RYR2: variants seen among roughly 807,000 people sequenced by gnomAD.
RYR2 encodes the protein ryanodine receptor 2, also known as cardiac muscle ryanodine receptor-calcium release channel.
A neutral mutation model predicts 601.1 loss-of-function variants in RYR2; 227 were observed. That is an observed-to-expected ratio of 0.38 (90% CI 0.34 to 0.42). RYR2 has a LOEUF of 0.42. RYR2 is among the 10% of genes least tolerant of loss of function. The pLI is 1.00. For synonymous variants in RYR2, 2,223 were observed against 2,175.1 expected (o/e 1.02, Z -0.61); for missense variants, 4,646 against 6,156.5 (o/e 0.75, Z 8.21).
chr1:237,194,406 T>C (rs1464948297), intron 1 of RYR2, among the ~76,000 whole-genome samples: 1 of 152,168 alleles, frequency 6.6e-6, no homozygotes, highest in African/African-American at 2.4e-5. Flanking sequence ...AAGGAGCTCA[T>C]AGTGCAGCCT....
At position 237,106,266 on chromosome 1, in the gene RYR2, C is replaced by T. The variant is rs1288650524; in HGVS notation, c.48+63697C>T. Among the ~76,000 whole-genome samples, 2 of 152,192 alleles carry T rather than the reference C, an allele frequency of 1.3e-5. No individual in the cohort carries two copies. The highest frequency in any genetic ancestry group is 2.9e-5 in the Non-Finnish European group (2 of 68,028). ...GGTAAACAGGGGTGGGCAGGGAGAA[C>T]AGCTCCCCTGCACCAGCTCCCGCTG... On this transcript the variant is annotated intron_variant, in intron 1 of 104. Coordinates refer to ENST00000366574, the MANE Select transcript of RYR2 (RefSeq NM_001035.3). This position sits in a 1 kb window ranked among gnomAD's most constrained non-coding sequence, Gnocchi z 4.4.
At chr1:237,356,404 T>A (rs1699296899) in intron 4 of RYR2, among the ~76,000 whole-genome samples, 1 of 151,290 alleles carries the variant, frequency 6.6e-6, no homozygotes, top group Admixed American at 6.6e-5. Flanking sequence ...GACAATTATA[T>A]ATATAGTCAT....
At chr1:237,404,902 G>T (rs1703717452) in intron 10 of RYR2, among the ~76,000 whole-genome samples, 1 of 152,184 alleles carries the variant, frequency 6.6e-6, no homozygotes, top group African/African-American at 2.4e-5. Flanking sequence ...AGAGCGCAAT[G>T]AAATAAGGCC....
chr1:237,820,974 T>C (rs1662427236), intron 101 of RYR2, among the ~76,000 whole-genome samples: 1 of 152,168 alleles, frequency 6.6e-6, no homozygotes, highest in African/African-American at 2.4e-5. Flanking sequence ...CCTCTCTAGA[T>C]TCCTCCTCTC....
At chr1:237,766,692 G>T (rs973299869) in intron 84 of RYR2, among the ~76,000 whole-genome samples, 5 of 152,152 alleles carry the variant, frequency 3.3e-5, no homozygotes, top group Admixed American at 3.3e-4. Context: ...TTAGGCTTTG[G>T]CTATAAGAGA....
At chr1:237,376,674 T>A (rs1701059517) in intron 7 of RYR2, among the ~76,000 whole-genome samples, 1 of 152,088 alleles carries the variant, frequency 6.6e-6, no homozygotes, top group Non-Finnish European at 1.5e-5. Context: ...ATGAGGCTTA[T>A]GCTTGACTTG....
chr1:237,346,727 G>C (rs1698343693), intron 3 of RYR2, among the ~76,000 whole-genome samples: 1 of 152,056 alleles, frequency 6.6e-6, no homozygotes, highest in Non-Finnish European at 1.5e-5. Context: ...TCAATCACTG[G>C]CCTTACTTTT....
At chr1:237,265,632 T>C (rs1688990456) in intron 1 of RYR2, among the ~76,000 whole-genome samples, 1 of 152,082 alleles carries the variant, frequency 6.6e-6, no homozygotes, top group African/African-American at 2.4e-5. Context: ...TGCTCAAGGA[T>C]TTTTTGGCTT....
chr1:237,303,110 G>A (rs890870607), intron 2 of RYR2, among the ~76,000 whole-genome samples: 1 of 151,972 alleles, frequency 6.6e-6, no homozygotes, highest in Non-Finnish European at 1.5e-5. Flanking sequence ...CCCATTCTTC[G>A]AGTATTTGTC....
chr1:237,731,228 TAC>T (rs1308291109), intron 77 of RYR2, among the ~76,000 whole-genome samples: 1 of 152,144 alleles, frequency 6.6e-6, no homozygotes, highest in Admixed American at 6.6e-5. Flanking sequence ...ACCATTCATG[TAC>T]AGAGAAAATT....
intron 14 of RYR2, among the ~76,000 whole-genome samples, chr1:237,448,574 A>C (rs1386772596): frequency 6.6e-6 from 1 of 152,096 alleles, no homozygotes; most frequent in Non-Finnish European, 1.5e-5. Flanking sequence ...ACTGAGAGAA[A>C]GGTACTGAAA....
chr1:237,394,060 C>T (rs74743115), intron 10 of RYR2, among the ~76,000 whole-genome samples: 5 of 152,090 alleles, frequency 3.3e-5, no homozygotes, highest in South Asian at 4.1e-4. Context: ...AAAAATCTCT[C>T]GATGATTTTC....
intron 80 of RYR2, among the ~76,000 whole-genome samples, chr1:237,748,694 A>G (rs1458679587): frequency 6.6e-6 from 1 of 152,168 alleles, no homozygotes; most frequent in Non-Finnish European, 1.5e-5. Context: ...AACCCTCTAT[A>G]TTGTATATGG....
chr1:237,802,363 T>A (rs1388907379), intron 98 of RYR2: 1 of 152,420 alleles, frequency 6.6e-6, no homozygotes, highest in East Asian at 1.9e-4. Flanking sequence ...TATAGGGCCG[T>A]AATATATATC....
intron 51 of RYR2, among the ~76,000 whole-genome samples, chr1:237,652,837 AT>A (rs1482293768): frequency 6.6e-6 from 1 of 152,026 alleles, no homozygotes; most frequent in African/African-American, 2.4e-5. Context: ...AGAACTCAAT[AT>A]TTCATCATTT....
intron 80 of RYR2, among the ~76,000 whole-genome samples, chr1:237,749,976 T>C (rs901974308): frequency 7.2e-5 from 11 of 151,896 alleles, no homozygotes; most frequent in African/African-American, 2.7e-4. Flanking sequence ...TGAAATCCCA[T>C]CTCTGCTAAA....
chr1:237,441,245 A>G (rs183192900), intron 12 of RYR2, 74 bp from the exon 13 acceptor site: 111 of 1,540,412 alleles, frequency 7.2e-5, no homozygotes, highest in Admixed American at 5.2e-4. Flanking sequence ...TATTTGCAAT[A>G]AGGCAAAATT....
chr1:237,713,195 CA>C (rs1329025435), intron 71 of RYR2, among the ~76,000 whole-genome samples: 1 of 152,036 alleles, frequency 6.6e-6, no homozygotes, highest in East Asian at 1.9e-4. Flanking sequence ...CAGTTGAGTC[CA>C]GTGATTCTCA....
At chr1:237,393,138 G>A (rs1036803868) in intron 10 of RYR2, among the ~76,000 whole-genome samples, 1 of 152,144 alleles carries the variant, frequency 6.6e-6, no homozygotes, top group African/African-American at 2.4e-5. Context: ...GAGAGGTGGG[G>A]AGAGAAGGAG....
Sources: gnomAD v4.1 joint callset for allele counts (sites outside exome capture counted in the v4.1 genomes callset) on GRCh38, gnomAD v4.1.1 for gene constraint, Gnocchi (gnomAD v3.1) non-coding constraint, MANE v1.5 for transcripts, NCBI Gene and HGNC (gene_info 2026-07-23, HGNC 2026-07-21) for gene names.